Variants in TCF4 observed in about 807,000 individuals in gnomAD.
TCF4 encodes SL3-3 enhancer factor 2.
Under a neutral mutation model 82.1 loss-of-function variants are expected in TCF4, and 3 were observed. The observed-to-expected ratio is 0.04, with a 90% CI of 0.02 to 0.09. The LOEUF is 0.09. Ranked by LOEUF, TCF4 falls within the 10% of genes least tolerant of loss-of-function variation. The pLI is 1.00. For synonymous variants in TCF4, 276 were observed against 309.6 expected, an observed-to-expected ratio of 0.89 and a Z score of 1.14; for missense variants, 518 against 852.7, an observed-to-expected ratio of 0.61 and a Z score of 4.89.
intron 5 of TCF4, among the ~76,000 whole-genome samples, chr18:55,438,555 A>C (rs908871373): frequency 4.6e-5 from 7 of 152,214 alleles, no homozygotes; most frequent in African/African-American, 1.7e-4. Flanking sequence ...TTTCAGAGAC[A>C]CCTGAACATG....
In TCF4 at chr18:55,260,051, A is replaced by C. The variant is rs562058582; in HGVS notation, c.991-24T>G. The C allele has an allele frequency of 2.0e-6, 3 of 1,532,316 alleles. No homozygotes were observed. The Admixed American group carries it at 5.0e-5, about 26-fold the overall frequency. The allele number at this position is 1,532,316 out of a possible 1,614,324, so 94.9% of individuals were successfully genotyped here. On this transcript the variant is annotated intron_variant, in intron 12 of 19. Transcript: ENST00000354452. ...ATCTTAAAACAATAAGGAGAAAAAA[A>C]AAACACCCTCATTCATTAAAATAAT...
chr18:55,349,678 C>G (rs962617721), intron 8 of TCF4, among the ~76,000 whole-genome samples: 1 of 151,582 alleles, frequency 6.6e-6, no homozygotes, highest in Non-Finnish European at 1.5e-5. Context: ...TATCTAGGAA[C>G]GTAAGAATTC....
chr18:55,400,407 G>A (rs1311490312), intron 6 of TCF4, among the ~76,000 whole-genome samples: 1 of 152,070 alleles, frequency 6.6e-6, no homozygotes. Context: ...TATTTAGTAA[G>A]AACTCAAAAA....
intron 5 of TCF4, among the ~76,000 whole-genome samples, chr18:55,416,851 T>A (rs2094542332): frequency 6.6e-6 from 1 of 152,182 alleles, no homozygotes; most frequent in South Asian, 2.1e-4. Flanking sequence ...GTGGGTAAAA[T>A]TTTGTGGCAT....
intron 15 of TCF4, among the ~76,000 whole-genome samples, chr18:55,238,778 C>T (rs1457383882): frequency 6.6e-6 from 1 of 152,144 alleles, no homozygotes; most frequent in Non-Finnish European, 1.5e-5. Flanking sequence ...CTTCATGATA[C>T]CTCTTGGTGC....
intron 2 of TCF4, among the ~76,000 whole-genome samples, chr18:55,595,468 A>G (rs539673256): frequency 6.6e-6 from 1 of 152,324 alleles, no homozygotes; most frequent in Admixed American, 6.5e-5. Context: ...GTAGTGCATA[A>G]GTATTCCTCC....
At chr18:55,324,900 C>T (rs1465552985) in intron 8 of TCF4, among the ~76,000 whole-genome samples, 1 of 152,070 alleles carries the variant, frequency 6.6e-6, no homozygotes, top group Non-Finnish European at 1.5e-5. Context: ...AAATGAAACC[C>T]ACACGATTCT....
rs1456379882 is a variant in TCF4, at chr18:55,369,829, C to T, written c.370-18826G>A. ...CTTACTAAACCGGGTTCTTTAGCTACTGCTGAAATATCAGCTTGTCAATCT... is the reference window on the plus strand; with the variant it reads ...CTTACTAAACCGGGTTCTTTAGCTATTGCTGAAATATCAGCTTGTCAATCT... On this transcript the variant is annotated intron_variant, in intron 6 of 19. Coordinates refer to ENST00000354452, the MANE Select transcript of TCF4 (RefSeq NM_001083962.2). Among the ~76,000 whole-genome samples the T allele has an allele frequency of 3.9e-5, 6 of 152,236 alleles. No individual in the cohort carries two copies. The South Asian group carries it at 1.0e-3, about 26-fold the overall frequency.
At chr18:55,279,296 A>C (rs2062058931) in intron 9 of TCF4, among the ~76,000 whole-genome samples, 1 of 152,240 alleles carries the variant, frequency 6.6e-6, no homozygotes, top group Non-Finnish European at 1.5e-5. Flanking sequence ...AGACCATCAT[A>C]AGCATCGGCT....
chr18:55,599,302 T>C (rs1450615214), intron 2 of TCF4, among the ~76,000 whole-genome samples: 1 of 152,188 alleles, frequency 6.6e-6, no homozygotes, highest in Non-Finnish European at 1.5e-5. Context: ...GTTCCAGCCT[T>C]CCATCAAATC....
At chr18:55,342,491 T>A (rs571152848) in intron 8 of TCF4, among the ~76,000 whole-genome samples, 27 of 152,226 alleles carry the variant, frequency 1.8e-4, no homozygotes, top group Admixed American at 5.2e-4. Flanking sequence ...AATAGTACAA[T>A]AGATACAGAA....
intron 8 of TCF4, among the ~76,000 whole-genome samples, chr18:55,333,455 A>C (rs573615266): frequency 9.8e-4 from 149 of 152,234 alleles, no homozygotes; most frequent in Non-Finnish European, 1.9e-3. Context: ...ACCAGAAAAA[A>C]AAAACAAAAC....
At chr18:55,533,811 G>C (rs1459473451) in intron 3 of TCF4, among the ~76,000 whole-genome samples, 2 of 152,126 alleles carry the variant, frequency 1.3e-5, no homozygotes, top group Admixed American at 1.3e-4. Flanking sequence ...CCATGTTTCT[G>C]TGTTCTTCTT....
intron 3 of TCF4, among the ~76,000 whole-genome samples, chr18:55,575,107 A>G (rs1051966865): frequency 1.3e-5 from 2 of 152,216 alleles, no homozygotes; most frequent in Non-Finnish European, 2.9e-5. Context: ...ACCCCATATA[A>G]AAGAGAAATT....
chr18:55,530,563 G>GT (rs371484601), intron 3 of TCF4, among the ~76,000 whole-genome samples: 12 of 137,024 alleles, frequency 8.8e-5, no homozygotes, highest in Admixed American at 1.4e-4. Context: ...CCCTGAAAAG[G>GT]GGGGGGGAAA....
chr18:55,528,018 G>A (rs7240986), intron 3 of TCF4, among the ~76,000 whole-genome samples: 58,752 of 151,824 alleles, frequency 0.39, 11,491 homozygotes, highest in Middle Eastern at 0.57. Context: ...AAACTCTTTT[G>A]TTGAATCTTT....
chr18:55,301,291 G>A (rs1289830552), intron 8 of TCF4, among the ~76,000 whole-genome samples: 4 of 152,190 alleles, frequency 2.6e-5, no homozygotes, highest in Non-Finnish European at 4.4e-5. Flanking sequence ...GGTAAAATCC[G>A]TCTCTTATTT....
At chr18:55,404,223 G>C (rs2093976494) in intron 5 of TCF4, 1 of 190,178 alleles carries the variant, frequency 5.3e-6, no homozygotes, top group African/African-American at 2.4e-5. Context: ...GCTCTACAGA[G>C]ATCTATAGAC....
chr18:55,596,330 T>A (rs2097690941), intron 2 of TCF4: 1 of 261,230 alleles, frequency 3.8e-6, no homozygotes, highest in African/African-American at 2.4e-5. Context: ...TACTTTTGTT[T>A]AAATCTCAGC....
Sources: gnomAD v4.1 joint callset for allele counts (sites outside exome capture counted in the v4.1 genomes callset) on GRCh38, gnomAD v4.1.1 for gene constraint, MANE v1.5 for transcripts, NCBI Gene and HGNC (gene_info 2026-07-23, HGNC 2026-07-21) for gene names.